APLF: variants seen among roughly 807,000 people sequenced by gnomAD.
The protein encoded by APLF is aprataxin and PNK-like factor.
In APLF, 61 loss-of-function variants were observed where a neutral mutation model predicts 55.6. That is an observed-to-expected ratio of 1.10 (90% CI 0.89 to 1.36). The LOEUF (loss-of-function observed/expected upper bound fraction) is 1.36, where lower values mean the gene tolerates loss of function less well. Ranked by LOEUF, APLF falls within the 40% of genes most tolerant of loss-of-function variation. APLF has a pLI of 0.00. For missense variants in APLF, 611 were observed against 602.5 expected (o/e 1.01, Z -0.15); for synonymous variants, 207 against 214.8 (o/e 0.96, Z 0.32).
chr2:68,493,652 A>C (rs1676437218), intron 2 of APLF, among the ~76,000 whole-genome samples: 1 of 152,206 alleles, frequency 6.6e-6, no homozygotes, highest in Non-Finnish European at 1.5e-5. Context: ...AATACCTGAG[A>C]CTGGGTAATT....
chr2:68,499,423 A>T (rs148784309), intron 2 of APLF, among the ~76,000 whole-genome samples: 1 of 152,344 alleles, frequency 6.6e-6, no homozygotes, highest in East Asian at 1.9e-4. Flanking sequence ...AAAAGTTTGA[A>T]TATTCAGAAA....
rs181603391 is a variant in APLF, at chr2:68,476,652, G to A, written c.96+8825G>A. The stretch of plus-strand genomic sequence containing the variant: ...ATATTTTATTCAGTGTATATATTGT[G>A]CAATAGTTACCACTGATTTTTAATT... On this transcript the variant is annotated intron_variant, in intron 1 of 9. Transcript: ENST00000303795. 4.3e-3 allele frequency among the ~76,000 whole-genome samples: 660 copies of A among 151,810 alleles called. 3 individuals carry two copies. The highest frequency in any genetic ancestry group is 0.015 in the African/African-American group (624 of 41,454).
intron 3 of APLF, among the ~76,000 whole-genome samples, chr2:68,511,022 C>T (rs543342308): frequency 6.6e-6 from 1 of 151,806 alleles, no homozygotes; most frequent in Admixed American, 6.6e-5. Context: ...GAGGAAGAGG[C>T]AATAGGAAGA....
intron 6 of APLF, chr2:68,535,152 T>C (rs558710086): frequency 1.5e-5 from 4 of 274,794 alleles, no homozygotes; most frequent in African/African-American, 9.3e-5. Context: ...CTATTCCTTG[T>C]GAGGATTTAA....
intron 9 of APLF, among the ~76,000 whole-genome samples, chr2:68,568,816 CTT>C (rs1272652955): frequency 6.6e-6 from 1 of 152,028 alleles, no homozygotes; most frequent in East Asian, 1.9e-4. Flanking sequence ...TAAAGGAAAA[CTT>C]TATTGAAAAG....
At chr2:68,564,691 G>T (rs187297903) in intron 8 of APLF, among the ~76,000 whole-genome samples, 4 of 152,164 alleles carry the variant, frequency 2.6e-5, no homozygotes, top group Non-Finnish European at 4.4e-5. Flanking sequence ...CTCAGACAGC[G>T]TGCAGGGAGG....
intron 7 of APLF, among the ~76,000 whole-genome samples, chr2:68,541,354 G>T (rs149095820): frequency 1.3e-5 from 2 of 151,848 alleles, no homozygotes; most frequent in African/African-American, 4.8e-5. Context: ...GGGTGAAAAG[G>T]CAAGGCACAA....
intron 8 of APLF, among the ~76,000 whole-genome samples, chr2:68,565,014 A>G (rs1671262706): frequency 6.6e-6 from 1 of 152,078 alleles, no homozygotes; most frequent in Non-Finnish European, 1.5e-5. Flanking sequence ...TTTGTTACCC[A>G]TATTTCAAGT....
intron 2 of APLF, among the ~76,000 whole-genome samples, chr2:68,502,394 A>G (rs1035192942): frequency 6.6e-6 from 1 of 152,038 alleles, no homozygotes; most frequent in Admixed American, 6.6e-5. Context: ...ACTAAGAATT[A>G]TTTTTCATAT....
At chr2:68,469,356 GTGGTTTAGAAACA>G (rs1675545955) in intron 1 of APLF, among the ~76,000 whole-genome samples, 1 of 152,100 alleles carries the variant, frequency 6.6e-6, no homozygotes, top group Non-Finnish European at 1.5e-5. Context: ...TTTTAGGGCC[GTGGTTTAGAAACA>G]TGGCAACAGA....
intron 6 of APLF, among the ~76,000 whole-genome samples, chr2:68,532,852 A>C (rs114403300): frequency 6.6e-6 from 1 of 152,134 alleles, no homozygotes; most frequent in Non-Finnish European, 1.5e-5. Flanking sequence ...TCAGAGCAAC[A>C]GTATTGGGAG....
At chr2:68,518,550 C>A (rs1176728911) in intron 5 of APLF, among the ~76,000 whole-genome samples, 2 of 113,502 alleles carry the variant, frequency 1.8e-5, no homozygotes, top group African/African-American at 3.5e-5. Flanking sequence ...AATAATATAT[C>A]AATAATGTAT....
chr2:68,529,576 A>G lies in APLF; in HGVS notation c.804+3334A>G, dbSNP rs552911766. ...CACTGGGCATCTGGGAGTTTATGACATCACCATGGGGCTGGTGACAGAGCC... is the reference window on the plus strand; with the variant it reads ...CACTGGGCATCTGGGAGTTTATGACGTCACCATGGGGCTGGTGACAGAGCC... On this transcript the variant is annotated intron_variant, in intron 6 of 9. Transcript: ENST00000303795. This position sits in a 1 kb window ranked among gnomAD's most constrained non-coding sequence, Gnocchi z 4.4. 46 of 574,480 alleles carry G rather than the reference A, an allele frequency of 8.0e-5. No homozygotes were observed. Among genetic ancestry groups the G allele is most frequent in the South Asian group, 2.0e-4 (3 of 14,666 alleles). 35.6% of individuals were successfully genotyped at this position (574,480 alleles called of 1,614,324 possible).
chr2:68,498,077 G>A (rs1358289809), intron 2 of APLF, among the ~76,000 whole-genome samples: 1 of 152,156 alleles, frequency 6.6e-6, no homozygotes, highest in Non-Finnish European at 1.5e-5. Context: ...TTCTAACACT[G>A]ATTTTAATTG....
intron 6 of APLF, chr2:68,531,461 A>G (rs1558544579): frequency 1.3e-5 from 2 of 152,022 alleles, no homozygotes; most frequent in African/African-American, 4.8e-5. Context: ...CCTCACTCCT[A>G]CCCTCTCTCC....
chr2:68,496,408 C>CT (rs527683464), intron 2 of APLF, among the ~76,000 whole-genome samples: 3 of 151,332 alleles, frequency 2.0e-5, no homozygotes, highest in Admixed American at 6.6e-5. Flanking sequence ...CCCAGCCTGA[C>CT]TTTTTTTTTA....
At chr2:68,540,608 C>T (rs1005411841) in intron 7 of APLF, among the ~76,000 whole-genome samples, 5 of 152,148 alleles carry the variant, frequency 3.3e-5, no homozygotes, top group African/African-American at 1.2e-4. Flanking sequence ...AATGGTTGAA[C>T]TAATTTACAT....
rs1029619723 is a variant in APLF at position 68,513,720 on chromosome 2, C to T, written c.622+40C>T. 3.1e-6 allele frequency: 5 copies of T among 1,595,446 alleles called. No individual in the cohort carries two copies. The African/African-American group carries it at 6.8e-5, about 22-fold the overall frequency. On this transcript the variant is annotated intron_variant, in intron 5 of 9. Transcript: ENST00000303795. ...CTACTAATGCTGACTTTAAAGGAAA[C>T]ATTAAACAGAATTTGAAAGCTTTTC...
Position 68,578,350 on chromosome 2 carries a change from T to C in APLF, c.*328T>C. On this transcript the variant is annotated 3_prime_UTR_variant, in exon 10 of 10. Coordinates refer to ENST00000303795, the MANE Select transcript of APLF (RefSeq NM_173545.3). ...ATAGGTTGCATAAAACTTTGGTCTT[T>C]TTAAATTTTTTTCCAAAGATTATGG... 9.7e-7 allele frequency: 1 copy of C among 1,027,622 alleles called. No homozygotes were observed. Among genetic ancestry groups the C allele is most frequent in the Non-Finnish European group, 1.2e-6 (1 of 855,798 alleles). The allele number at this position is 1,027,622 out of a possible 1,614,324, so 63.7% of individuals were successfully genotyped here.
Sources: allele counts gnomAD v4.1 joint callset (sites outside exome capture counted in the v4.1 genomes callset), GRCh38; gene constraint gnomAD v4.1.1; non-coding constraint Gnocchi (gnomAD v3.1); transcripts MANE v1.5; gene names NCBI Gene and HGNC (gene_info 2026-07-23, HGNC 2026-07-21).